The following F5 variants were observed in gnomAD, a reference collection of about 807,000 sequenced individuals.
F5 encodes the protein coagulation factor V, also known as activated protein c cofactor.
In F5, 138 loss-of-function variants were observed where a neutral mutation model predicts 216.4. The observed-to-expected ratio is 0.64, with a 90% CI of 0.56 to 0.73. F5 has a LOEUF of 0.73. Ranked by LOEUF, F5 falls within the 30% of genes least tolerant of loss-of-function variation. The pLI is 0.00. For missense variants in F5, 2,403 were observed against 2,674.0 expected (o/e 0.90, Z 2.24); for synonymous variants, 916 against 930.7 (o/e 0.98, Z 0.29).
intron 13 of F5, among the ~76,000 whole-genome samples, chr1:169,538,026 C>T (rs1025488350): frequency 6.6e-6 from 1 of 151,996 alleles, no homozygotes; most frequent in South Asian, 2.1e-4. Flanking sequence ...TATCTGCTGT[C>T]CCACGTTCAC....
At chr1:169,556,997 AC>A (rs1178060658) in intron 5 of F5, 130 bp from the exon 6 acceptor site, 2 of 814,044 alleles carry the variant, frequency 2.5e-6, no homozygotes, top group Non-Finnish European at 4.0e-6. Flanking sequence ...GAGGGAACAG[AC>A]ACTCCAGTTG....
At chr1:169,582,278 C>A (rs1313908766) in intron 2 of F5, among the ~76,000 whole-genome samples, 153 bp downstream of exon 2, 1 of 150,892 alleles carries the variant, frequency 6.6e-6, no homozygotes, top group African/African-American at 2.5e-5. Context: ...TCATTTTGCA[C>A]TGGGCCCCAC....
intron 11 of F5, among the ~76,000 whole-genome samples, chr1:169,545,759 A>C (rs1455164113): frequency 6.6e-6 from 1 of 152,200 alleles, no homozygotes; most frequent in African/African-American, 2.4e-5. Flanking sequence ...CCTACTAGAG[A>C]AGGTGATTAC....
rs1315551169 is a variant in F5 at position 169,526,074 on chromosome 1, T to A, written c.5600-57A>T. 8 of 1,184,992 alleles carry A rather than the reference T, an allele frequency of 6.8e-6. No individual in the cohort carries two copies. In the Admixed American group the frequency reaches 1.0e-4, roughly 15 times the overall value. 73.4% of individuals were successfully genotyped at this position (1,184,992 alleles called of 1,614,324 possible). On this transcript the variant is annotated intron_variant, in intron 17 of 24. Coordinates refer to ENST00000367797, the MANE Select transcript of F5 (RefSeq NM_000130.5). Reference sequence around the variant, plus strand: ...AAAATTAACAAGTAAATATTGTGGTTGATAGTTCTCTAAGAATCCTAAAAT... The same window carrying A: ...AAAATTAACAAGTAAATATTGTGGTAGATAGTTCTCTAAGAATCCTAAAAT...
At chr1:169,561,226 G>A (rs1349853191) in intron 3 of F5, among the ~76,000 whole-genome samples, 1 of 151,958 alleles carries the variant, frequency 6.6e-6, no homozygotes, top group African/African-American at 2.4e-5. Context: ...TCCAACTGCT[G>A]TGATCCTCAG....
intron 9 of F5, among the ~76,000 whole-genome samples, chr1:169,550,279 C>A (rs1427451638): frequency 1.1e-4 from 8 of 72,098 alleles, no homozygotes; most frequent in African/African-American, 4.9e-4. Flanking sequence ...ATCCCTCCCC[C>A]CGCCCCCCAC....
intron 22 of F5, among the ~76,000 whole-genome samples, chr1:169,519,929 T>G (rs1366517971): frequency 6.6e-6 from 1 of 152,162 alleles, no homozygotes; most frequent in East Asian, 1.9e-4. Context: ...ATAGTAGAAT[T>G]TTATTATGAC....
rs1463587202 is a variant in F5, at chr1:169,544,335, T to A, written c.1936A>T (p.Met646Leu). 1.2e-6 allele frequency: 2 copies of A among 1,614,094 alleles called. No homozygotes were observed. ...RHEDTLTLFP[M>L]RGESVTVTMD... ...GTGACCGTCACAGATTCTCCACGCA[T>A]GGGGAAGAGGGTCAAGGTGTCCTCA... The change falls in exon 12 of 25, where the codon ATG (methionine) becomes TTG (leucine). Residue 646 changes from methionine to leucine, a missense_variant. This residue lies in a region of F5 where 1,425 missense variants were observed against 1,554.8 expected (regional missense o/e 0.92). Coordinates refer to ENST00000367797, the MANE Select transcript of F5 (RefSeq NM_000130.5).
chr1:169,542,668 A>G lies in F5; in HGVS notation c.2422T>C (p.Ser808Pro), dbSNP rs778547706. Residue 808 changes from serine to proline, a missense_variant, in exon 13 of 25, where the codon TCC (serine) becomes CCC (proline). Ser to Pro is a moderately conservative substitution (Grantham distance 74, BLOSUM62 -1). Transcript: ENST00000367797. ...PSHQQATTAGSPLRHLIGKNS... is the reference protein window; with the variant it reads ...PSHQQATTAGPPLRHLIGKNS... Reference sequence around the variant, plus strand: ...TTGCCAATGAGGTGTCTCAGTGGGGAACCAGCTGTGGTGGCTTGTTGGTGA... The same window carrying G: ...TTGCCAATGAGGTGTCTCAGTGGGGGACCAGCTGTGGTGGCTTGTTGGTGA... 7 of 1,614,092 alleles carry G rather than the reference A, an allele frequency of 4.3e-6. No individual in the cohort carries two copies. Among genetic ancestry groups the G allele is most frequent in the Non-Finnish European group, 5.9e-6 (7 of 1,179,986 alleles).
rs746752426 is a variant in F5, at chr1:169,523,308, T to C, written c.5937A>G (p.Gln1979=). The C allele has an allele frequency of 6.2e-7, 1 of 1,613,940 alleles. No individual in the cohort carries two copies. The highest frequency in any genetic ancestry group is 1.3e-5 in the African/African-American group (1 of 74,918). ...AGGACTTCAGGTAGTGTTTGGCACC[T>C]TGGGTCTGGATCCCTGTGATTATGA... ...KEVIITGIQT[Q]GAKHYLKSCY... Residue 1979 remains glutamine (Q), a synonymous_variant, in exon 21 of 25, where the codon CAA becomes CAG. Coordinates refer to ENST00000367797, the MANE Select transcript of F5 (RefSeq NM_000130.5).
At chr1:169,527,330 A>T (rs879065297) in intron 17 of F5, among the ~76,000 whole-genome samples, 2 of 152,208 alleles carry the variant, frequency 1.3e-5, no homozygotes, top group Admixed American at 6.5e-5. Flanking sequence ...TGGCACAGAA[A>T]CATCCCTTCT....
intron 21 of F5, 121 bp downstream of exon 21, chr1:169,523,076 C>T: frequency 9.5e-7 from 1 of 1,050,824 alleles, no homozygotes; most frequent in South Asian, 1.3e-5. Flanking sequence ...CCTTAGAAAG[C>T]CATTCACATT....
In F5 at chr1:169,572,236, T is replaced by C. The variant is rs1571598694; in HGVS notation, c.358A>G (p.Ser120Gly). Residue 120 changes from serine (S) to glycine (G), a missense_variant, in exon 3 of 25, where the codon AGT (serine) becomes GGT (glycine). By Grantham distance (56) the Ser-to-Gly change is moderately conservative. Around this residue, in one of 4 missense-constraint regions of F5, gnomAD observed 1,425 missense variants for 1,554.8 expected, o/e 0.92. Transcript: ENST00000367797. Reference sequence around the variant, plus strand: ...TTTATCTTACCTTCTGATAATTTACTGTACCTAATTCCTTGAGGATGGATG... The same window carrying C: ...TTTATCTTACCTTCTGATAATTTACCGTACCTAATTCCTTGAGGATGGATG... ...LSIHPQGIRY[S>G]KLSEGASYLD... The C allele has an allele frequency of 1.1e-5, 17 of 1,612,858 alleles. No homozygotes were observed. Among genetic ancestry groups the C allele is most frequent in the Non-Finnish European group, 1.4e-5 (17 of 1,179,486 alleles).
At chr1:169,577,483 G>T (rs747277903) in intron 2 of F5, among the ~76,000 whole-genome samples, 4 of 144,402 alleles carry the variant, frequency 2.8e-5, no homozygotes, top group Admixed American at 7.2e-5. Context: ...TGATGCTCTT[G>T]TCCTAAATGA....
At chr1:169,547,288 C>G (rs1166405266) in intron 10 of F5, among the ~76,000 whole-genome samples, 2 of 152,154 alleles carry the variant, frequency 1.3e-5, no homozygotes, top group East Asian at 3.8e-4. Flanking sequence ...ATGGGCAAAG[C>G]TTTCATGACG....
intron 1 of F5, among the ~76,000 whole-genome samples, chr1:169,584,803 G>A (rs1339181750): frequency 6.6e-6 from 1 of 152,176 alleles, no homozygotes; most frequent in Non-Finnish European, 1.5e-5. Flanking sequence ...TGTTTCTATG[G>A]TTTTGACTCA....
intron 11 of F5, among the ~76,000 whole-genome samples, chr1:169,545,060 A>G (rs1471461998): frequency 6.6e-6 from 1 of 152,214 alleles, no homozygotes; most frequent in Non-Finnish European, 1.5e-5. Flanking sequence ...TTATGTACTA[A>G]GCATAGTAAA....
Position 169,544,416 on chromosome 1 carries a change from T to C in F5, c.1855A>G (p.Asn619Asp). The part of the protein sequence containing the change: ...QWHFCSVGTQ[N>D]EILTIHFTGH... ...GTGAAGTGGATGGTCAAAATTTCAT[T>C]CTGGGTCCCCACACTACAGAAGTGC... The change falls in exon 12 of 25, where the codon AAT (asparagine) becomes GAT (aspartate). Residue 619 changes from asparagine (N) to aspartate (D), a missense_variant. Transcript: ENST00000367797. 1 of 1,614,088 alleles carries C rather than the reference T, an allele frequency of 6.2e-7. No homozygotes were observed. Among genetic ancestry groups the C allele is most frequent in the East Asian group, 2.2e-5 (1 of 44,870 alleles).
chr1:169,579,196 AG>A (rs1660933462), intron 2 of F5, among the ~76,000 whole-genome samples: 3 of 152,062 alleles, frequency 2.0e-5, no homozygotes, highest in African/African-American at 7.2e-5. Context: ...TCCATAACAA[AG>A]GGACCATATT....
Sources: gnomAD v4.1 joint callset for allele counts (sites outside exome capture counted in the v4.1 genomes callset) on GRCh38, gnomAD v4.1.1 for gene constraint, gnomAD v4.1.1 regional missense constraint, MANE v1.5 for transcripts, NCBI Gene and HGNC (gene_info 2026-07-23, HGNC 2026-07-21) for gene names.